ARHGAP6: variants seen among roughly 807,000 people sequenced by gnomAD.
ARHGAP6 encodes Rho GTPase activating protein 6, also known as rho GTPase-activating protein 6.
Under a neutral mutation model 55.7 loss-of-function variants are expected in ARHGAP6, and 16 were observed. The observed-to-expected ratio is 0.29, with a 90% CI of 0.19 to 0.44. The LOEUF (loss-of-function observed/expected upper bound fraction) is 0.44, where lower values mean the gene tolerates loss of function less well. ARHGAP6 is among the 20% of genes least tolerant of loss of function. ARHGAP6 has a pLI of 1.00. For missense variants in ARHGAP6, 698 were observed against 808.9 expected, an observed-to-expected ratio of 0.86 and a Z score of 1.66; for synonymous variants, 382 against 360.9, an observed-to-expected ratio of 1.06 and a Z score of -0.66.
chrX:11,577,002 T>C (rs28710972), intron 1 of ARHGAP6, among the ~76,000 whole-genome samples: 22,782 of 111,336 alleles, frequency 0.2, 1,844 homozygotes, highest in Middle Eastern at 0.32. Context: ...ACTCTGTTGC[T>C]GTCATCACAC....
intron 1 of ARHGAP6, chrX:11,427,709 C>A (rs1603201999): frequency 1.2e-6 from 1 of 800,433 alleles, no homozygotes; most frequent in East Asian, 1.4e-4. Flanking sequence ...GAGCCCTGCT[C>A]CGTGCGTGCC....
chrX:11,519,477 G>A (rs1167542748), intron 1 of ARHGAP6, among the ~76,000 whole-genome samples: 1 of 102,986 alleles, frequency 9.7e-6, no homozygotes, highest in Non-Finnish European at 1.9e-5. Context: ...CTTTTTGATG[G>A]GGTTGTTTTT....
intron 1 of ARHGAP6, among the ~76,000 whole-genome samples, chrX:11,378,364 T>G (rs2049225840): frequency 8.9e-6 from 1 of 112,814 alleles, no homozygotes; most frequent in Admixed American, 9.3e-5. Flanking sequence ...AGATCCTTCA[T>G]GGACATGGTT....
At chrX:11,577,925 C>T (rs997654104) in intron 1 of ARHGAP6, among the ~76,000 whole-genome samples, 2 of 111,354 alleles carry the variant, frequency 1.8e-5, no homozygotes, top group African/African-American at 6.5e-5. Flanking sequence ...CTATGACTGT[C>T]TCAGGGGCCA....
intron 1 of ARHGAP6, among the ~76,000 whole-genome samples, chrX:11,567,566 A>AATATATATATATAT (rs1556078452): frequency 1.1e-4 from 9 of 84,333 alleles, no homozygotes; most frequent in African/African-American, 2.4e-4. Context: ...AAAAAAAAAA[A>AATATATATATATAT]ATATATATAT....
chrX:11,430,577 C>A (rs1401008683), intron 1 of ARHGAP6, among the ~76,000 whole-genome samples: 2 of 112,093 alleles, frequency 1.8e-5, no homozygotes, highest in African/African-American at 6.5e-5. Flanking sequence ...CAATCTTAAA[C>A]AATTTGAATT....
intron 1 of ARHGAP6, among the ~76,000 whole-genome samples, chrX:11,495,677 C>G (rs986352064): frequency 1.8e-5 from 2 of 111,646 alleles, no homozygotes; most frequent in East Asian, 5.6e-4. Context: ...TCTTTCCCTT[C>G]CTGGTATTTA....
At chrX:11,327,662 C>T (rs777403855) in intron 1 of ARHGAP6, among the ~76,000 whole-genome samples, 10 of 111,390 alleles carry the variant, frequency 9.0e-5, no homozygotes, top group Non-Finnish European at 1.5e-4. Flanking sequence ...TGACTATTAC[C>T]ATGTCCTCTA....
At chrX:11,454,823 G>A (rs2050180928) in intron 1 of ARHGAP6, among the ~76,000 whole-genome samples, 1 of 112,670 alleles carries the variant, frequency 8.9e-6, no homozygotes, top group Non-Finnish European at 1.9e-5. Flanking sequence ...CATAGGACAT[G>A]TATGGTGTAA....
chrX:11,639,736 G>T (rs1485932042), intron 1 of ARHGAP6, among the ~76,000 whole-genome samples: 2 of 110,345 alleles, frequency 1.8e-5, no homozygotes, highest in African/African-American at 3.3e-5. Context: ...GATTGAGAAA[G>T]ATTGAAAGAA....
At chrX:11,522,309 C>T (rs1383565474) in intron 1 of ARHGAP6, among the ~76,000 whole-genome samples, 4 of 110,751 alleles carry the variant, frequency 3.6e-5, no homozygotes, top group Non-Finnish European at 5.7e-5. Flanking sequence ...GACACCCTAA[C>T]GTCACAATTA....
intron 2 of ARHGAP6, among the ~76,000 whole-genome samples, chrX:11,242,157 C>T (rs749756179): frequency 8.9e-5 from 10 of 112,087 alleles, no homozygotes; most frequent in African/African-American, 2.9e-4. Context: ...AGAAAAAAAA[C>T]TTCTGGATCC....
intron 1 of ARHGAP6, among the ~76,000 whole-genome samples, chrX:11,380,869 T>C (rs752520973): frequency 1.8e-5 from 2 of 112,293 alleles, no homozygotes; most frequent in East Asian, 5.6e-4. Context: ...TTTCCAGACA[T>C]TGCCAAGTGT....
intron 9 of ARHGAP6, among the ~76,000 whole-genome samples, chrX:11,166,604 G>C (rs945706914): frequency 1.8e-5 from 2 of 111,452 alleles, no homozygotes; most frequent in Admixed American, 9.6e-5. Context: ...CACCAGCCTT[G>C]GTATAGCCGA....
chrX:11,282,346 C>CT (rs979890760), intron 1 of ARHGAP6, among the ~76,000 whole-genome samples: 6 of 111,466 alleles, frequency 5.4e-5, no homozygotes, highest in African/African-American at 9.8e-5. Flanking sequence ...ATAAAAGACA[C>CT]TTTTTTTTGG....
At chrX:11,405,270 C>T (rs1219324497) in intron 1 of ARHGAP6, among the ~76,000 whole-genome samples, 1 of 111,923 alleles carries the variant, frequency 8.9e-6, no homozygotes, top group Non-Finnish European at 1.9e-5. Context: ...ACTGTTGCCA[C>T]TGTGATCTCT....
intron 8 of ARHGAP6, among the ~76,000 whole-genome samples, chrX:11,170,884 A>G (rs982698509): frequency 3.6e-5 from 4 of 111,510 alleles, no homozygotes; most frequent in African/African-American, 1.3e-4. Context: ...CCTGTGTCCA[A>G]GAAGAAATGA....
chrX:11,558,536 A>G (rs911024646), intron 1 of ARHGAP6, among the ~76,000 whole-genome samples: 3 of 111,002 alleles, frequency 2.7e-5, no homozygotes, highest in African/African-American at 9.8e-5. Flanking sequence ...CTGTAGGTAC[A>G]GTTTAAAAAG....
intron 2 of ARHGAP6, among the ~76,000 whole-genome samples, chrX:11,218,582 C>T (rs1191845176): frequency 5.4e-5 from 6 of 111,079 alleles, no homozygotes; most frequent in Non-Finnish European, 1.1e-4. Flanking sequence ...GATGTGAATC[C>T]GCCTGATCCT....
Sources: allele counts gnomAD v4.1 joint callset (sites outside exome capture counted in the v4.1 genomes callset), GRCh38; gene constraint gnomAD v4.1.1; transcripts MANE v1.5; gene names NCBI Gene and HGNC (gene_info 2026-07-23, HGNC 2026-07-21).